Variants in RALYL observed in about 807,000 individuals in gnomAD.
RALYL encodes RNA-binding Raly-like protein.
In RALYL, 29 loss-of-function variants were observed where a neutral mutation model predicts 35.1. The ratio of observed to expected loss-of-function variants is 0.83; its 90% confidence interval spans 0.61 to 1.13. The LOEUF (loss-of-function observed/expected upper bound fraction) is 1.13, where lower values mean the gene tolerates loss of function less well. Ranked by LOEUF, RALYL falls within the 50% of genes most tolerant of loss-of-function variation. The pLI, the probability that RALYL is intolerant of heterozygous loss-of-function variation, is 0.00. For synonymous variants in RALYL, 120 were observed against 127.6 expected (o/e 0.94, Z 0.40); for missense variants, 359 against 360.4 (o/e 1.00, Z 0.03).
intron 1 of RALYL, among the ~76,000 whole-genome samples, chr8:84,223,471 T>C (rs1348877187): frequency 6.6e-6 from 1 of 152,072 alleles, no homozygotes; most frequent in Non-Finnish European, 1.5e-5. Context: ...TGGTAGAAGT[T>C]TGGAATATTC....
intron 4 of RALYL, among the ~76,000 whole-genome samples, chr8:84,844,033 A>G (rs1435332072): frequency 3.8e-4 from 58 of 152,348 alleles, no homozygotes; most frequent in Non-Finnish European, 4.4e-5. Flanking sequence ...AAACCTAGGC[A>G]ATACCATTCA....
At chr8:84,736,597 G>C (rs1402034641) in intron 2 of RALYL, among the ~76,000 whole-genome samples, 1 of 151,984 alleles carries the variant, frequency 6.6e-6, no homozygotes, top group Non-Finnish European at 1.5e-5. Context: ...AGTATAATAG[G>C]TAATAGGTAA....
intron 3 of RALYL, among the ~76,000 whole-genome samples, chr8:84,804,029 G>A (rs1824001232): frequency 6.6e-6 from 1 of 152,164 alleles, no homozygotes; most frequent in Non-Finnish European, 1.5e-5. Context: ...CTATTTAGAA[G>A]TGGATGCTTT....
intron 1 of RALYL, among the ~76,000 whole-genome samples, chr8:84,204,504 A>G (rs3891539): frequency 0.24 from 36,102 of 152,070 alleles, 4,412 homozygotes; most frequent in Non-Finnish European, 0.27. Flanking sequence ...TGGTTCTACC[A>G]GTATGCTTTT....
At chr8:84,474,518 ATATT>A (rs1467849113) in intron 1 of RALYL, among the ~76,000 whole-genome samples, 2 of 152,208 alleles carry the variant, frequency 1.3e-5, no homozygotes, top group Non-Finnish European at 2.9e-5. Context: ...GTACTAGAGT[ATATT>A]TCCTAGCCCT....
intron 2 of RALYL, among the ~76,000 whole-genome samples, chr8:84,631,533 TATC>T (rs1823904237): frequency 6.6e-6 from 1 of 151,918 alleles, no homozygotes; most frequent in African/African-American, 2.4e-5. Context: ...TGAGTATAAT[TATC>T]ATAATTTTCA....
intron 1 of RALYL, among the ~76,000 whole-genome samples, chr8:84,338,273 G>C (rs79848631): frequency 6.6e-6 from 1 of 151,992 alleles, no homozygotes; most frequent in African/African-American, 2.4e-5. Flanking sequence ...CACAGAGTGG[G>C]ACCATAGTGC....
In RALYL at chr8:84,386,977, G is replaced by C. The variant is rs549777116; in HGVS notation, c.-23-142322G>C. 2.6e-5 allele frequency among the ~76,000 whole-genome samples: 4 copies of C among 151,938 alleles called. No homozygotes were observed. In the South Asian group the frequency reaches 6.2e-4, roughly 24 times the overall value. On this transcript the variant is annotated intron_variant, in intron 1 of 8. Transcript: ENST00000521268. The stretch of plus-strand genomic sequence containing the variant: ...ATGGTGTCTTGTGAAATCTCTTTTA[G>C]CCGTTAGTGCTGTTAAATTATTGGT...
At chr8:84,774,703 G>A (rs375765458) in intron 3 of RALYL, 49 bp downstream of exon 3, 14 of 1,279,174 alleles carry the variant, frequency 1.1e-5, no homozygotes, top group South Asian at 9.2e-5. Flanking sequence ...AAATTTTCTT[G>A]CAGCTTTATA....
At chr8:84,315,107 A>G (rs570408060) in intron 1 of RALYL, among the ~76,000 whole-genome samples, 1 of 152,336 alleles carries the variant, frequency 6.6e-6, no homozygotes, top group South Asian at 2.1e-4. Flanking sequence ...ACACAATATT[A>G]TTTGTGATAA....
chr8:84,913,625 A>T (rs1447899275), intron 8 of RALYL, among the ~76,000 whole-genome samples: 1 of 151,972 alleles, frequency 6.6e-6, no homozygotes, highest in Non-Finnish European at 1.5e-5. Context: ...GATTAAACCC[A>T]ATTTCCAATT....
chr8:84,481,800 TTGTC>T, intron 1 of RALYL, among the ~76,000 whole-genome samples: 1 of 152,194 alleles, frequency 6.6e-6, no homozygotes, highest in Admixed American at 6.6e-5. Flanking sequence ...AAAAAGATGA[TTGTC>T]TGAAGGCCAA....
chr8:84,573,108 T>G (rs1279301407), intron 2 of RALYL, among the ~76,000 whole-genome samples: 2 of 151,430 alleles, frequency 1.3e-5, no homozygotes, highest in African/African-American at 4.8e-5. Flanking sequence ...TTATGTATAT[T>G]ATTAACACAA....
At chr8:84,441,639 G>T (rs2048343978) in intron 1 of RALYL, among the ~76,000 whole-genome samples, 1 of 152,094 alleles carries the variant, frequency 6.6e-6, no homozygotes, top group Non-Finnish European at 1.5e-5. Context: ...AACTGTCGGA[G>T]CTAGAAGAAC....
intron 2 of RALYL, among the ~76,000 whole-genome samples, chr8:84,653,651 A>G (rs555767592): frequency 4.8e-4 from 73 of 151,836 alleles, no homozygotes; most frequent in Admixed American, 1.2e-3. Flanking sequence ...CCATTACCAC[A>G]CATCTTACTT....
intron 2 of RALYL, among the ~76,000 whole-genome samples, chr8:84,537,172 A>C (rs932394985): frequency 6.0e-5 from 9 of 149,446 alleles, no homozygotes; most frequent in African/African-American, 1.2e-4. Flanking sequence ...AAAAAAAAAA[A>C]AAAACTCTAT....
At chr8:84,872,091 C>T (rs1840292023) in intron 6 of RALYL, among the ~76,000 whole-genome samples, 1 of 152,010 alleles carries the variant, frequency 6.6e-6, no homozygotes, top group Non-Finnish European at 1.5e-5. Flanking sequence ...AAATAAGTAT[C>T]CAAGATCTTG....
intron 1 of RALYL, among the ~76,000 whole-genome samples, chr8:84,209,523 T>G (rs1818937054): frequency 6.6e-6 from 1 of 152,204 alleles, no homozygotes; most frequent in Non-Finnish European, 1.5e-5. Context: ...ACTGAGCCAC[T>G]ACAGGGCAAT....
At chr8:84,290,812 T>G (rs1191877439) in intron 1 of RALYL, among the ~76,000 whole-genome samples, 1 of 152,212 alleles carries the variant, frequency 6.6e-6, no homozygotes, top group Non-Finnish European at 1.5e-5. Context: ...CATTAAATTC[T>G]GAAAGCTTCA....
Sources: gnomAD v4.1 joint callset for allele counts (sites outside exome capture counted in the v4.1 genomes callset) on GRCh38, gnomAD v4.1.1 for gene constraint, MANE v1.5 for transcripts, NCBI Gene and HGNC (gene_info 2026-07-23, HGNC 2026-07-21) for gene names.